FANCB: variants seen among roughly 807,000 people sequenced by gnomAD.
FANCB encodes Fanconi anemia group B protein.
FANCB carries 5 observed loss-of-function variants against 38.9 expected under a neutral mutation model. That is an observed-to-expected ratio of 0.13 (90% CI 0.07 to 0.27). The LOEUF (loss-of-function observed/expected upper bound fraction) is 0.27, where lower values mean the gene tolerates loss of function less well. Ranked by LOEUF, FANCB falls within the 10% of genes least tolerant of loss-of-function variation. The pLI is 1.00. For synonymous variants in FANCB, 236 were observed against 215.4 expected (o/e 1.10, Z -0.84); for missense variants, 573 against 602.7 (o/e 0.95, Z 0.52).
chrX:14,754,799 C>CA, the FANCB span, among the ~76,000 whole-genome samples: 15 of 104,036 alleles, frequency 1.4e-4, no homozygotes, highest in East Asian at 6.0e-4. Flanking sequence ...TCAAACGACG[C>CA]AAAAAAAAAA....
chrX:14,839,431 T>C (rs765005336), downstream of FANCB, among the ~76,000 whole-genome samples: 2 of 111,755 alleles, frequency 1.8e-5, no homozygotes, highest in East Asian at 2.8e-4. Flanking sequence ...TTCTAAAATA[T>C]GAAATATTGA....
the FANCB span, among the ~76,000 whole-genome samples, chrX:14,817,495 A>G: frequency 1.8e-5 from 2 of 111,812 alleles, no homozygotes; most frequent in East Asian, 5.6e-4. Flanking sequence ...AACTGGTGTC[A>G]AGATGTCAGT....
At chrX:14,744,263 C>T in the FANCB span, among the ~76,000 whole-genome samples, 1 of 111,750 alleles carries the variant, frequency 8.9e-6, no homozygotes, top group Non-Finnish European at 1.9e-5. Context: ...ATGCTCTATG[C>T]CTTGGAGTCC....
chrX:14,716,560 C>T, the FANCB span, among the ~76,000 whole-genome samples: 1 of 111,502 alleles, frequency 9.0e-6, no homozygotes, highest in East Asian at 2.8e-4. Context: ...CCAGGGAGCA[C>T]GACTTTTCTG....
downstream of FANCB, among the ~76,000 whole-genome samples, chrX:14,841,972 T>C (rs1022700908): frequency 7.1e-5 from 8 of 111,890 alleles, no homozygotes; most frequent in African/African-American, 2.6e-4. Context: ...TTAGTTTTTT[T>C]TTTCCTAAGC....
chrX:14,743,225 G>T, the FANCB span, among the ~76,000 whole-genome samples: 21 of 112,299 alleles, frequency 1.9e-4, no homozygotes, highest in African/African-American at 6.8e-4. Context: ...CCTGCCATCA[G>T]GTATTAGCTG....
At chrX:14,819,725 T>G in the FANCB span, among the ~76,000 whole-genome samples, 1 of 112,350 alleles carries the variant, frequency 8.9e-6, no homozygotes, top group Admixed American at 9.4e-5. Flanking sequence ...CCCCACTCAA[T>G]GTCTGCCTGA....
At chrX:14,733,888 A>T in the FANCB span, among the ~76,000 whole-genome samples, 1 of 112,057 alleles carries the variant, frequency 8.9e-6, no homozygotes, top group African/African-American at 3.2e-5. Flanking sequence ...CCTTGGCCAG[A>T]ACTTCCAATA....
At chrX:14,858,237 T>A (rs1054111750) in intron 4 of FANCB, among the ~76,000 whole-genome samples, 3 of 109,989 alleles carry the variant, frequency 2.7e-5, no homozygotes, top group Non-Finnish European at 5.7e-5. Flanking sequence ...CTACTAAAAA[T>A]ACAAAAAATT....
chrX:14,697,293 T>C, the FANCB span, among the ~76,000 whole-genome samples: 1 of 112,007 alleles, frequency 8.9e-6, no homozygotes, highest in African/African-American at 3.2e-5. Flanking sequence ...GAATTTGTCC[T>C]GGATTACTCA....
the FANCB span, among the ~76,000 whole-genome samples, chrX:14,776,195 G>A: frequency 8.9e-6 from 1 of 112,129 alleles, no homozygotes; most frequent in African/African-American, 3.2e-5. Context: ...GGTTTCCTCT[G>A]AGAAGCTATA....
At chrX:14,788,404 C>T in the FANCB span, among the ~76,000 whole-genome samples, 52 of 111,399 alleles carry the variant, frequency 4.7e-4, no homozygotes, top group Non-Finnish European at 7.7e-4. Flanking sequence ...AGGGATACAA[C>T]GACGCTAGTT....
the FANCB span, among the ~76,000 whole-genome samples, chrX:14,745,685 G>A: frequency 1.2e-5 from 1 of 85,483 alleles, no homozygotes; most frequent in Non-Finnish European, 2.2e-5. Flanking sequence ...GGAAACTCTG[G>A]AATTTTTTTT....
At chrX:14,827,743 AT>A in the FANCB span, among the ~76,000 whole-genome samples, 1 of 112,275 alleles carries the variant, frequency 8.9e-6, no homozygotes, top group East Asian at 2.8e-4. Flanking sequence ...TTAATCCAAA[AT>A]AAAAACCTGT....
the FANCB span, among the ~76,000 whole-genome samples, chrX:14,703,377 T>A: frequency 9.0e-6 from 1 of 111,478 alleles, no homozygotes; most frequent in African/African-American, 3.3e-5. Context: ...AGCCATAACA[T>A]TGCATTTCTC....
chrX:14,736,182 G>T, the FANCB span, among the ~76,000 whole-genome samples: 1 of 111,027 alleles, frequency 9.0e-6, no homozygotes, highest in Admixed American at 9.5e-5. Context: ...CCGTGGGGGT[G>T]GAATCTGCTG....
chrX:14,777,211 G>A, the FANCB span, among the ~76,000 whole-genome samples: 30 of 111,943 alleles, frequency 2.7e-4, no homozygotes, highest in African/African-American at 8.8e-4. Context: ...AACTCAACTC[G>A]TAAAGATTCA....
chrX:14,703,989 A>G, the FANCB span, among the ~76,000 whole-genome samples: 11,627 of 111,270 alleles, frequency 0.1, 898 homozygotes, highest in African/African-American at 0.26. Context: ...GGAGAGAACA[A>G]AAACAAACTA....
At chrX:14,847,628 G>A (rs1208715048) in intron 7 of FANCB, among the ~76,000 whole-genome samples, 1 of 108,300 alleles carries the variant, frequency 9.2e-6, no homozygotes, top group Non-Finnish European at 1.9e-5. Context: ...AACAGTTTGA[G>A]GAAGCTCAAC....
Sources: gnomAD v4.1 joint callset for allele counts (sites outside exome capture counted in the v4.1 genomes callset) on GRCh38, gnomAD v4.1.1 for gene constraint, MANE v1.5 for transcripts, NCBI Gene and HGNC (gene_info 2026-07-23, HGNC 2026-07-21) for gene names.